Variants in PURB observed in about 807,000 individuals in gnomAD.
PURB encodes purine rich element binding protein B, also known as transcriptional regulator protein Pur-beta.
PURB carries 11 observed loss-of-function variants against 21.1 expected under a neutral mutation model. The observed-to-expected ratio is 0.52, with a 90% CI of 0.33 to 0.86. The LOEUF is 0.86. Among genes scored for constraint, PURB ranks in the 40% least tolerant of loss-of-function variants. PURB has a pLI of 0.02. For synonymous variants in PURB, 246 were observed against 210.8 expected (o/e 1.17, Z -1.45); for missense variants, 357 against 456.5 (o/e 0.78, Z 1.99).
Position 44,884,367 on chromosome 7 carries a change from G to GGGAT in PURB, c.*39_*42dup. ...CAGGAAAGGGAATTCTCTAGCCAAG[G>GGGAT]GGATGGTGGTTGGGTGGAGGCCTGT... On this transcript the variant is annotated 3_prime_UTR_variant, in exon 1 of 1. Coordinates refer to ENST00000395699, the MANE Select transcript of PURB (RefSeq NM_033224.5). 1 of 1,593,512 alleles carries GGGAT rather than the reference G, an allele frequency of 6.3e-7. No homozygotes were observed. The highest frequency in any genetic ancestry group is 1.1e-5 in the South Asian group (1 of 89,154).
chr7:44,885,132 G>C lies in PURB; in HGVS notation c.217C>G (p.Leu73Val), dbSNP rs776322871. 7.0e-6 allele frequency: 11 copies of C among 1,571,714 alleles called. No homozygotes were observed. The highest frequency in any genetic ancestry group is 1.4e-5 in the African/African-American group (1 of 70,510). ...GCGGCCACCGCCATGGACAGCGTGA[G>C]GCGGCTCTTGGAACCGCCCGCGCCC... is the stretch of plus-strand genomic sequence containing the variant. ...EVGAGGSKSR[L>V]TLSMAVAAEF... The change falls in exon 1 of 1, where the codon CTC (leucine) becomes GTC (valine). Residue 73 changes from leucine to valine, a missense_variant. Physicochemically the swap from Leu to Val is conservative, Grantham distance 32. Transcript: ENST00000395699.
Position 44,884,860 on chromosome 7 carries a change from C to A in PURB, c.489G>T (p.Pro163=). The A allele has an allele frequency of 6.4e-7, 1 of 1,559,066 alleles. No individual in the cohort carries two copies. Among genetic ancestry groups the A allele is most frequent in the Non-Finnish European group, 8.7e-7 (1 of 1,154,352 alleles). The change falls in exon 1 of 1, where the codon CCG becomes CCT. Residue 163 remains proline, a synonymous_variant. Coordinates refer to ENST00000395699, the MANE Select transcript of PURB (RefSeq NM_033224.5). ...TGGTCTGGCCGCTCTGCAAGCCGCC[C>A]GGCCCGGGGCCCGCGCCGAAGCCGC... ...GGGGFGAGPG[P]GGLQSGQTIA...
chr7:44,878,068 A>G lies in PURB; in HGVS notation c.*6342T>C, dbSNP rs1793825637. On this transcript the variant is annotated 3_prime_UTR_variant, in exon 1 of 1. Transcript: ENST00000395699. ...TCTAAATATAAAGATTCTTCCAACC[A>G]GCCTGATCTTGCAACTCAGAGTTAA... The G allele has an allele frequency of 6.6e-6, 1 of 152,226 alleles. No homozygotes were observed. Among genetic ancestry groups the G allele is most frequent in the Non-Finnish European group, 1.5e-5 (1 of 68,040 alleles). The allele number at this position is 152,226 out of a possible 1,614,324, so 9.4% of individuals were successfully genotyped here.
At position 44,884,654 on chromosome 7, in the gene PURB, A is replaced by T. The variant is rs755803999; in HGVS notation, c.695T>A (p.Phe232Tyr). The part of the protein sequence containing the change: ...GTSITVDSKR[F>Y]FFDVGCNKYG... ...TTTGTTGCAGCCCACATCGAAGAAGAAGCGCTTGGAGTCCACGGTGATGGA... is the reference window on the plus strand; with the variant it reads ...TTTGTTGCAGCCCACATCGAAGAAGTAGCGCTTGGAGTCCACGGTGATGGA... Residue 232 changes from phenylalanine to tyrosine, a missense_variant, in exon 1 of 1, where the codon TTC (phenylalanine) becomes TAC (tyrosine). Transcript: ENST00000395699. The T allele has an allele frequency of 6.2e-7, 1 of 1,614,170 alleles. No individual in the cohort carries two copies. Among genetic ancestry groups the T allele is most frequent in the Non-Finnish European group, 8.5e-7 (1 of 1,180,036 alleles).
chr7:44,884,491 C>T lies in PURB; in HGVS notation c.858G>A (p.Gln286=). 1.2e-6 allele frequency: 2 copies of T among 1,614,020 alleles called. No individual in the cohort carries two copies. Among genetic ancestry groups the T allele is most frequent in the East Asian group, 4.5e-5 (2 of 44,870 alleles). The change falls in exon 1 of 1, where the codon CAG becomes CAA. Residue 286 remains glutamine, a synonymous_variant. Transcript: ENST00000395699. ...ADEMKEIQER[Q]RDKLYERRGG... ...CACGTCGCTCATAAAGCTTATCCCTCTGTCGTTCCTGGATTTCTTTCATCT... is the reference window on the plus strand; with the variant it reads ...CACGTCGCTCATAAAGCTTATCCCTTTGTCGTTCCTGGATTTCTTTCATCT...
chr7:44,877,488 T>C lies in PURB; in HGVS notation c.*6922A>G, dbSNP rs1239021141. Reference sequence around the variant, plus strand: ...TAAAGCCAGTTTCTAGACTTTTTGGTCAACCTACTGACTTTTAGAAATTCA... The same window carrying C: ...TAAAGCCAGTTTCTAGACTTTTTGGCCAACCTACTGACTTTTAGAAATTCA... On this transcript the variant is annotated 3_prime_UTR_variant, in exon 1 of 1. Transcript: ENST00000395699. 6.6e-6 allele frequency: 1 copy of C among 152,194 alleles called. No individual in the cohort carries two copies. The highest frequency in any genetic ancestry group is 1.5e-5 in the Non-Finnish European group (1 of 68,036). The allele number at this position is 152,194 out of a possible 1,614,324, so 9.4% of individuals were successfully genotyped here. A position where few individuals can be genotyped will look rare whatever the true frequency, so the allele number is the denominator to read the frequency against.
In PURB at chr7:44,881,040, T is replaced by C. The variant is rs538342442; in HGVS notation, c.*3370A>G. ...GACAATAGAAACCAAAACCAAAACA[T>C]AGAAGGAAGAGTAGTAGGATCTCTT... On this transcript the variant is annotated 3_prime_UTR_variant, in exon 1 of 1. Coordinates refer to ENST00000395699, the MANE Select transcript of PURB (RefSeq NM_033224.5). 3 of 152,696 alleles carry C rather than the reference T, an allele frequency of 2.0e-5. No homozygotes were observed. The highest frequency in any genetic ancestry group is 4.1e-4 in the South Asian group (2 of 4,830). The allele number at this position is 152,696 out of a possible 1,614,324, so 9.5% of individuals were successfully genotyped here.
chr7:44,884,766 C>A lies in PURB; in HGVS notation c.583G>T (p.Gly195Cys), dbSNP rs1793931374. The A allele has an allele frequency of 6.2e-7, 1 of 1,610,374 alleles. No homozygotes were observed. The highest frequency in any genetic ancestry group is 8.5e-7 in the Non-Finnish European group (1 of 1,179,036). ...ALAKLIDDYG[G>C]EDDELAGGPG... ...CCGCCTGCCAGCTCGTCGTCCTCGCCTCCGTAGTCGTCTATGAGCTTCGCC... is the reference window on the plus strand; with the variant it reads ...CCGCCTGCCAGCTCGTCGTCCTCGCATCCGTAGTCGTCTATGAGCTTCGCC... The change falls in exon 1 of 1, where the codon GGC (glycine) becomes TGC (cysteine). Residue 195 changes from glycine to cysteine, a missense_variant. Coordinates refer to ENST00000395699, the MANE Select transcript of PURB (RefSeq NM_033224.5).
At position 44,883,749 on chromosome 7, in the gene PURB, A is replaced by G. The variant is rs1490893900; in HGVS notation, c.*661T>C. ...TTTGCCTTGGTCCAGGTTCCATGCAAAACCATTTTTTTAAAAAAATGGATC... is the reference window on the plus strand; with the variant it reads ...TTTGCCTTGGTCCAGGTTCCATGCAGAACCATTTTTTTAAAAAAATGGATC... On this transcript the variant is annotated 3_prime_UTR_variant, in exon 1 of 1. Transcript: ENST00000395699. 1 of 152,270 alleles carries G rather than the reference A, an allele frequency of 6.6e-6. No individual in the cohort carries two copies. Among genetic ancestry groups the G allele is most frequent in the Non-Finnish European group, 1.5e-5 (1 of 68,042 alleles). The allele number at this position is 152,270 out of a possible 1,614,324, so 9.4% of individuals were successfully genotyped here.
In PURB at chr7:44,876,634, G is replaced by A. The variant is rs1050017540; in HGVS notation, c.*7776C>T. 7 of 152,678 alleles carry A rather than the reference G, an allele frequency of 4.6e-5. No homozygotes were observed. Among genetic ancestry groups the A allele is most frequent in the African/African-American group, 1.7e-4 (7 of 41,478 alleles). 9.5% of individuals were successfully genotyped at this position (152,678 alleles called of 1,614,324 possible). ...TCTGCTTTTGAACGGTTTTCAGGAAGTGTGATTTCTGAATGGGTACTGCAC... is the reference window on the plus strand; with the variant it reads ...TCTGCTTTTGAACGGTTTTCAGGAAATGTGATTTCTGAATGGGTACTGCAC... On this transcript the variant is annotated 3_prime_UTR_variant, in exon 1 of 1. Coordinates refer to ENST00000395699, the MANE Select transcript of PURB (RefSeq NM_033224.5).
In PURB at chr7:44,884,203, C is replaced by G; in HGVS notation, c.*207G>C. ...TGTTTTCCTCTTTGCAGGTTGCTGT[C>G]AGTTCCTTGGAACTTGACTGCTTTT... On this transcript the variant is annotated 3_prime_UTR_variant, in exon 1 of 1. Transcript: ENST00000395699. The G allele has an allele frequency of 8.2e-7, 1 of 1,215,622 alleles. No individual in the cohort carries two copies. Among genetic ancestry groups the G allele is most frequent in the Non-Finnish European group, 1.1e-6 (1 of 903,602 alleles). 75.3% of individuals were successfully genotyped at this position (1,215,622 alleles called of 1,614,324 possible). A position where few individuals can be genotyped will look rare whatever the true frequency, so the allele number is the denominator to read the frequency against.
In PURB at chr7:44,884,488, C is replaced by T. The variant is rs201506883; in HGVS notation, c.861G>A (p.Arg287=). ...DEMKEIQERQ[R]DKLYERRGGG... ...CACCACGTCGCTCATAAAGCTTATC[C>T]CTCTGTCGTTCCTGGATTTCTTTCA... is the stretch of plus-strand genomic sequence containing the variant. The change falls in exon 1 of 1, where the codon AGG becomes AGA. Residue 287 remains arginine, a synonymous_variant. Coordinates refer to ENST00000395699, the MANE Select transcript of PURB (RefSeq NM_033224.5). 25 of 1,614,002 alleles carry T rather than the reference C, an allele frequency of 1.5e-5. No homozygotes were observed. The highest frequency in any genetic ancestry group is 2.0e-5 in the Non-Finnish European group (24 of 1,180,024).
Position 44,885,419 on chromosome 7 carries a change from G to T in PURB, c.-71C>A, listed in dbSNP as rs1170117102. The T allele has an allele frequency of 2.1e-5, 11 of 524,400 alleles. No individual in the cohort carries two copies. Among genetic ancestry groups the T allele is most frequent in the Non-Finnish European group, 2.4e-5 (10 of 408,244 alleles). 32.5% of individuals were successfully genotyped at this position (524,400 alleles called of 1,614,324 possible). On this transcript the variant is annotated 5_prime_UTR_variant, in exon 1 of 1. Transcript: ENST00000395699. ...CCCGCCCTCCGGCTCGCGCTCCGGG[G>T]CCCCCCAGCCTCGCCCGCCCGGCTC...
rs574415455 is a variant in PURB, at chr7:44,882,334, C to A, written c.*2076G>T. On this transcript the variant is annotated 3_prime_UTR_variant, in exon 1 of 1. Coordinates refer to ENST00000395699, the MANE Select transcript of PURB (RefSeq NM_033224.5). Reference sequence around the variant, plus strand: ...CATCAAAAATACTATTGCTCCCATACAATTTAGGAAACATTCTTTGCAACG... The same window carrying A: ...CATCAAAAATACTATTGCTCCCATAAAATTTAGGAAACATTCTTTGCAACG... The A allele has an allele frequency of 7.9e-5, 12 of 152,656 alleles. No individual in the cohort carries two copies. The South Asian group carries it at 2.5e-3, about 32-fold the overall frequency. 9.5% of individuals were successfully genotyped at this position (152,656 alleles called of 1,614,324 possible). A position where few individuals can be genotyped will look rare whatever the true frequency, so the allele number is the denominator to read the frequency against.
At position 44,881,635 on chromosome 7, in the gene PURB, C is replaced by T. The variant is rs1188075565; in HGVS notation, c.*2775G>A. 1 of 152,708 alleles carries T rather than the reference C, an allele frequency of 6.5e-6. No homozygotes were observed. The highest frequency in any genetic ancestry group is 1.5e-5 in the Non-Finnish European group (1 of 68,104). The allele number at this position is 152,708 out of a possible 1,614,324, so 9.5% of individuals were successfully genotyped here. On this transcript the variant is annotated 3_prime_UTR_variant, in exon 1 of 1. Transcript: ENST00000395699. ...CAACACATAGCTTATGCATTCTTTG[C>T]TCCTTTTTTTGGAGGATTTTCAAAT...
Position 44,884,865 on chromosome 7 carries a change from C to T in PURB, c.484G>A (p.Gly162Arg), listed in dbSNP as rs963157478. 4 of 1,557,744 alleles carry T rather than the reference C, an allele frequency of 2.6e-6. No homozygotes were observed. Among genetic ancestry groups the T allele is most frequent in the Non-Finnish European group, 3.5e-6 (4 of 1,153,878 alleles). Residue 162 changes from glycine (G) to arginine (R), a missense_variant, in exon 1 of 1, where the codon GGG becomes AGG. Gly to Arg is a moderately radical substitution (Grantham distance 125). Coordinates refer to ENST00000395699, the MANE Select transcript of PURB (RefSeq NM_033224.5). ...RGGGGFGAGP[G>R]PGGLQSGQTI... Reference sequence around the variant, plus strand: ...TGGCCGCTCTGCAAGCCGCCCGGCCCGGGGCCCGCGCCGAAGCCGCCACCG... The same window carrying T: ...TGGCCGCTCTGCAAGCCGCCCGGCCTGGGGCCCGCGCCGAAGCCGCCACCG...
In PURB at chr7:44,876,860, G is replaced by C. The variant is rs1465593693; in HGVS notation, c.*7550C>G. The C allele has an allele frequency of 6.6e-6, 1 of 152,604 alleles. No homozygotes were observed. The highest frequency in any genetic ancestry group is 2.4e-5 in the African/African-American group (1 of 41,444). 9.5% of individuals were successfully genotyped at this position (152,604 alleles called of 1,614,324 possible). On this transcript the variant is annotated 3_prime_UTR_variant, in exon 1 of 1. Coordinates refer to ENST00000395699, the MANE Select transcript of PURB (RefSeq NM_033224.5). Reference sequence around the variant, plus strand: ...ATTTACAGACATTTATAGGGTTACAGGTGGAGGGGACCTTATAAAATTAAA... The same window carrying C: ...ATTTACAGACATTTATAGGGTTACACGTGGAGGGGACCTTATAAAATTAAA...
rs1180089727 is a variant in PURB, at chr7:44,880,453, C to T, written c.*3957G>A. On this transcript the variant is annotated 3_prime_UTR_variant, in exon 1 of 1. Coordinates refer to ENST00000395699, the MANE Select transcript of PURB (RefSeq NM_033224.5). Reference sequence around the variant, plus strand: ...CTTACACACTCCAGCTTCTCAATTTCATCCACCTCAAGAGCAAGATAGATG... The same window carrying T: ...CTTACACACTCCAGCTTCTCAATTTTATCCACCTCAAGAGCAAGATAGATG... 6.6e-6 allele frequency: 1 copy of T among 152,658 alleles called. No individual in the cohort carries two copies. The highest frequency in any genetic ancestry group is 1.5e-5 in the Non-Finnish European group (1 of 68,040). 9.5% of individuals were successfully genotyped at this position (152,658 alleles called of 1,614,324 possible).
In PURB at chr7:44,885,232, C is replaced by T. The variant is rs754548395; in HGVS notation, c.117G>A (p.Leu39=). Residue 39 remains leucine (L), a synonymous_variant, in exon 1 of 1, where the codon CTG becomes CTA. Transcript: ENST00000395699. ...AGTAGAAGCGCTTGTTCTGGATGTC[C>T]AGCCGCTTCGAGGCCAGCTCCTGCG... The part of the protein sequence containing the change: ...QETQELASKR[L]DIQNKRFYLD... 1.9e-6 allele frequency: 3 copies of T among 1,569,978 alleles called. No homozygotes were observed.
Sources: allele counts gnomAD v4.1 joint callset, GRCh38; gene constraint gnomAD v4.1.1; transcripts MANE v1.5; gene names NCBI Gene and HGNC (gene_info 2026-07-23, HGNC 2026-07-21).